Variants in SKAP2 observed in about 807,000 individuals in gnomAD.
SKAP2 encodes the protein src kinase-associated phosphoprotein 2.
Under a neutral mutation model 54.9 loss-of-function variants are expected in SKAP2, and 28 were observed. That is an observed-to-expected ratio of 0.51 (90% CI 0.38 to 0.70). SKAP2 has a LOEUF of 0.70. SKAP2 is among the 30% of genes least tolerant of loss of function. The probability of loss-of-function intolerance (pLI) is 0.00; values close to 1 mark genes in which losing one functional copy is unlikely to be tolerated. For missense variants in SKAP2, 356 were observed against 424.1 expected, an observed-to-expected ratio of 0.84 and a Z score of 1.41; for synonymous variants, 137 against 134.3, an observed-to-expected ratio of 1.02 and a Z score of -0.14.
chr7:26,699,415 T>C (rs1786975143), intron 9 of SKAP2, among the ~76,000 whole-genome samples: 2 of 152,262 alleles, frequency 1.3e-5, no homozygotes, highest in South Asian at 4.1e-4. Flanking sequence ...ATTCTTCTAA[T>C]TTTAGGGGGA....
chr7:26,811,177 C>A lies in SKAP2; in HGVS notation c.307+32853G>T, dbSNP rs553517904. ...TGTTCCACCAGAAAAAGATTGTAGG[C>A]TTTGGAGAAAAAAAAGACCTAAATT... is the stretch of plus-strand genomic sequence containing the variant. On this transcript the variant is annotated intron_variant, in intron 4 of 12. Transcript: ENST00000345317. 3.3e-5 allele frequency among the ~76,000 whole-genome samples: 5 copies of A among 152,178 alleles called. No homozygotes were observed. The South Asian group carries it at 1.0e-3, about 32-fold the overall frequency.
At position 26,813,021 on chromosome 7, in the gene SKAP2, G is replaced by A. The variant is rs954440913; in HGVS notation, c.307+31009C>T. Among the ~76,000 whole-genome samples the A allele has an allele frequency of 1.2e-4, 19 of 152,020 alleles. No homozygotes were observed. In the South Asian group the frequency reaches 3.5e-3, roughly 28 times the overall value. The stretch of plus-strand genomic sequence containing the variant: ...ACTATATTCCAAATTCTATACTCAC[G>A]CTGTATTCAGAATTCAAAATTTGAC... On this transcript the variant is annotated intron_variant, in intron 4 of 12. Transcript: ENST00000345317.
intron 4 of SKAP2, among the ~76,000 whole-genome samples, chr7:26,768,025 TTC>T (rs1219569569): frequency 7.2e-5 from 11 of 152,308 alleles, no homozygotes; most frequent in Admixed American, 3.3e-4. Context: ...CTTGTTAATT[TTC>T]TGTCTTGTTG....
At chr7:26,741,027 T>G (rs1188538923) in intron 4 of SKAP2, among the ~76,000 whole-genome samples, 1 of 152,072 alleles carries the variant, frequency 6.6e-6, no homozygotes, top group African/African-American at 2.4e-5. Flanking sequence ...TCCTCAGCAT[T>G]TTACTAGAAC....
At position 26,667,721 on chromosome 7, in the gene SKAP2, GT is replaced by G. The variant is rs1341787495; in HGVS notation, c.*1944del. The G allele has an allele frequency of 6.6e-6, 1 of 152,590 alleles. No individual in the cohort carries two copies. Among genetic ancestry groups the G allele is most frequent in the Admixed American group, 6.5e-5 (1 of 15,272 alleles). The allele number at this position is 152,590 out of a possible 1,614,324, so 9.5% of individuals were successfully genotyped here. On this transcript the variant is annotated 3_prime_UTR_variant, in exon 13 of 13. Coordinates refer to ENST00000345317, the MANE Select transcript of SKAP2 (RefSeq NM_003930.5). Reference sequence around the variant, plus strand: ...GGCGAGTTTGTGCCATGGGGGAAGGGTTTCAAGAGGTTTTGTCTGCAATGAA... The same window carrying G: ...GGCGAGTTTGTGCCATGGGGGAAGGGTTCAAGAGGTTTTGTCTGCAATGAA...
At chr7:26,792,621 T>C (rs1238317670) in intron 4 of SKAP2, among the ~76,000 whole-genome samples, 1 of 152,228 alleles carries the variant, frequency 6.6e-6, no homozygotes, top group African/African-American at 2.4e-5. Context: ...ATTACTTTTC[T>C]TAATATTTTA....
intron 9 of SKAP2, among the ~76,000 whole-genome samples, chr7:26,694,393 A>G (rs921340348): frequency 1.3e-5 from 2 of 152,248 alleles, no homozygotes; most frequent in Non-Finnish European, 2.9e-5. Flanking sequence ...TCTCAGCTGC[A>G]GCACAAAACT....
intron 11 of SKAP2, among the ~76,000 whole-genome samples, chr7:26,677,375 G>C (rs1786373270): frequency 7.2e-6 from 1 of 139,366 alleles, no homozygotes; most frequent in African/African-American, 2.8e-5. Flanking sequence ...CTGGGTGACA[G>C]AGCAAGACTC....
chr7:26,820,186 T>C (rs920521419), intron 4 of SKAP2, among the ~76,000 whole-genome samples: 1 of 152,154 alleles, frequency 6.6e-6, no homozygotes, highest in Non-Finnish European at 1.5e-5. Flanking sequence ...TGTGAGATCT[T>C]ATCTCTTAAA....
At chr7:26,734,215 C>T (rs553996087) in intron 6 of SKAP2, among the ~76,000 whole-genome samples, 3 of 152,308 alleles carry the variant, frequency 2.0e-5, no homozygotes, top group Admixed American at 1.3e-4. Context: ...GCTAAATGGT[C>T]CTGTTGACCC....
intron 9 of SKAP2, among the ~76,000 whole-genome samples, chr7:26,716,615 T>C (rs1787447158): frequency 6.6e-6 from 1 of 152,234 alleles, no homozygotes; most frequent in African/African-American, 2.4e-5. Flanking sequence ...TGGCTTAATT[T>C]TACCATATTT....
At chr7:26,855,381 T>A (rs1327525320) in intron 1 of SKAP2, among the ~76,000 whole-genome samples, 1 of 152,108 alleles carries the variant, frequency 6.6e-6, no homozygotes, top group African/African-American at 2.4e-5. Flanking sequence ...ATATCCAACA[T>A]GTAATGCTTT....
At chr7:26,698,099 C>G (rs1046170607) in intron 9 of SKAP2, among the ~76,000 whole-genome samples, 2 of 152,186 alleles carry the variant, frequency 1.3e-5, no homozygotes, top group African/African-American at 4.8e-5. Context: ...ACTATAACCT[C>G]TGGAAAAACA....
At chr7:26,836,815 G>T (rs1343981039) in intron 4 of SKAP2, among the ~76,000 whole-genome samples, 1 of 152,164 alleles carries the variant, frequency 6.6e-6, no homozygotes, top group Non-Finnish European at 1.5e-5. Flanking sequence ...AATACCATTT[G>T]ACCCAGCAAT....
At chr7:26,797,391 G>A (rs1330497163) in intron 4 of SKAP2, among the ~76,000 whole-genome samples, 1 of 152,202 alleles carries the variant, frequency 6.6e-6, no homozygotes, top group East Asian at 1.9e-4. Flanking sequence ...GAGAAATTAA[G>A]GGAAGGAAAC....
intron 1 of SKAP2, among the ~76,000 whole-genome samples, chr7:26,857,171 T>A (rs1358043558): frequency 1.5e-5 from 2 of 131,994 alleles, no homozygotes; most frequent in African/African-American, 5.5e-5. Flanking sequence ...TTTTTTTTTT[T>A]AGAGTAGCCT....
downstream of SKAP2, among the ~76,000 whole-genome samples, chr7:26,662,635 G>A (rs1003407100): frequency 2.0e-5 from 3 of 152,104 alleles, no homozygotes; most frequent in African/African-American, 7.2e-5. Context: ...TAATTAGATA[G>A]GAAGAAAAAT....
intron 9 of SKAP2, among the ~76,000 whole-genome samples, chr7:26,720,677 G>A (rs1584351033): frequency 6.6e-6 from 1 of 152,094 alleles, no homozygotes; most frequent in South Asian, 2.1e-4. Flanking sequence ...CAATCATGGC[G>A]GAAGGGGAAG....
chr7:26,753,548 C>T (rs1175971697), intron 4 of SKAP2, among the ~76,000 whole-genome samples: 2 of 152,120 alleles, frequency 1.3e-5, no homozygotes, highest in Non-Finnish European at 2.9e-5. Flanking sequence ...AATGATAGTG[C>T]AACTAATGAT....
Sources: allele counts gnomAD v4.1 joint callset (sites outside exome capture counted in the v4.1 genomes callset), GRCh38; gene constraint gnomAD v4.1.1; transcripts MANE v1.5; gene names NCBI Gene and HGNC (gene_info 2026-07-23, HGNC 2026-07-21).